FAM117B: variants seen among roughly 807,000 people sequenced by gnomAD.
FAM117B encodes family with sequence similarity 117 member B.
In FAM117B, 22 loss-of-function variants were observed where a neutral mutation model predicts 52.8. That is an observed-to-expected ratio of 0.42 (90% CI 0.30 to 0.59). FAM117B has a LOEUF of 0.59. Ranked by LOEUF, FAM117B falls within the 20% of genes least tolerant of loss-of-function variation. FAM117B has a pLI of 0.22. For synonymous variants in FAM117B, 309 were observed against 324.1 expected (o/e 0.95, Z 0.50); for missense variants, 678 against 802.6 (o/e 0.84, Z 1.88).
chr2:202,700,558 A>G (rs1208974492), intron 2 of FAM117B, among the ~76,000 whole-genome samples: 1 of 152,266 alleles, frequency 6.6e-6, no homozygotes, highest in East Asian at 1.9e-4. Flanking sequence ...ATGAGGTTTA[A>G]TGAAAGAAGC....
At chr2:202,647,568 T>C (rs1334919720) in intron 1 of FAM117B, among the ~76,000 whole-genome samples, 5 of 152,224 alleles carry the variant, frequency 3.3e-5, no homozygotes, top group African/African-American at 1.2e-4. Flanking sequence ...TTGATGCATA[T>C]GAGAATTTGA....
intron 1 of FAM117B, among the ~76,000 whole-genome samples, chr2:202,683,806 G>A (rs1690497663): frequency 6.6e-6 from 1 of 152,046 alleles, no homozygotes; most frequent in African/African-American, 2.4e-5. Context: ...AATTTATGAG[G>A]TAGTATTATT....
Position 202,747,806 on chromosome 2 carries a change from A to G in FAM117B, c.961-7732A>G, listed in dbSNP as rs188816759. On this transcript the variant is annotated intron_variant, in intron 4 of 7. Coordinates refer to ENST00000392238, the MANE Select transcript of FAM117B (RefSeq NM_173511.4). ...TGCAAACACTAATGAAAGAAATTGA[A>G]GAGGACACAAATGGAAAGATATCCT... Among the ~76,000 whole-genome samples the G allele has an allele frequency of 1.3e-3, 205 of 152,274 alleles. 1 individual carries two copies. Among genetic ancestry groups the G allele is most frequent in the African/African-American group, 4.4e-3 (182 of 41,580 alleles).
intron 2 of FAM117B, among the ~76,000 whole-genome samples, chr2:202,720,878 A>G (rs1024723982): frequency 5.9e-5 from 9 of 152,220 alleles, no homozygotes; most frequent in African/African-American, 2.2e-4. Flanking sequence ...TTTACCTAGT[A>G]GTTTTCACTT....
intron 1 of FAM117B, among the ~76,000 whole-genome samples, chr2:202,644,075 T>TTTTTTTTTTG (rs1559092809): frequency 6.8e-6 from 1 of 146,712 alleles, no homozygotes; most frequent in Non-Finnish European, 1.5e-5. Context: ...TTTTTTTTTT[T>TTTTTTTTTTG]TTTTTTTTTC....
chr2:202,732,341 A>G (rs932445255), intron 4 of FAM117B, among the ~76,000 whole-genome samples: 9 of 152,242 alleles, frequency 5.9e-5, no homozygotes, highest in Non-Finnish European at 1.2e-4. Flanking sequence ...ATATGTCCAC[A>G]TAAAAACTTG....
chr2:202,644,828 A>C lies in FAM117B; in HGVS notation c.601+9040A>C, dbSNP rs78145057. On this transcript the variant is annotated intron_variant, in intron 1 of 7. Coordinates refer to ENST00000392238, the MANE Select transcript of FAM117B (RefSeq NM_173511.4). Reference sequence around the variant, plus strand: ...TCTGATTCTTAATCCTTTGTTGGTGATGGTGTCTGTCCTCTGTGGAAGGGT... The same window carrying C: ...TCTGATTCTTAATCCTTTGTTGGTGCTGGTGTCTGTCCTCTGTGGAAGGGT... Among the ~76,000 whole-genome samples, 30 of 152,240 alleles carry C rather than the reference A, an allele frequency of 2.0e-4. 1 individual carries two copies. The East Asian group carries it at 5.6e-3, about 28-fold the overall frequency.
At chr2:202,696,400 T>C (rs1334566975) in intron 2 of FAM117B, among the ~76,000 whole-genome samples, 1 of 152,178 alleles carries the variant, frequency 6.6e-6, no homozygotes, top group African/African-American at 2.4e-5. Context: ...TAAAATACAC[T>C]AACACTAATG....
chr2:202,686,926 A>G (rs1690549760), intron 1 of FAM117B, among the ~76,000 whole-genome samples: 1 of 152,206 alleles, frequency 6.6e-6, no homozygotes, highest in Admixed American at 6.5e-5. Flanking sequence ...ACATACACAC[A>G]GATTTATTTT....
intron 4 of FAM117B, among the ~76,000 whole-genome samples, chr2:202,730,545 C>T (rs1691325465): frequency 6.6e-6 from 1 of 152,072 alleles, no homozygotes; most frequent in South Asian, 2.1e-4. Context: ...TGCCGCGTGC[C>T]TATAATCCAA....
chr2:202,763,897 C>T (rs1691936794), intron 7 of FAM117B, among the ~76,000 whole-genome samples: 1 of 152,192 alleles, frequency 6.6e-6, no homozygotes, highest in African/African-American at 2.4e-5. Context: ...CAGAGGGTTA[C>T]TACCAAACCC....
At chr2:202,645,434 C>T (rs1355272624) in intron 1 of FAM117B, among the ~76,000 whole-genome samples, 5 of 150,812 alleles carry the variant, frequency 3.3e-5, no homozygotes, top group Non-Finnish European at 5.9e-5. Flanking sequence ...GGACTACAGG[C>T]GCCCGCCACC....
chr2:202,681,033 CAAT>C (rs1033291115), intron 1 of FAM117B, among the ~76,000 whole-genome samples: 1 of 151,808 alleles, frequency 6.6e-6, no homozygotes, highest in African/African-American at 2.4e-5. Flanking sequence ...AAATGAATGA[CAAT>C]AGTAGCACAA....
At chr2:202,737,016 A>G (rs1328189505) in intron 4 of FAM117B, among the ~76,000 whole-genome samples, 1 of 152,168 alleles carries the variant, frequency 6.6e-6, no homozygotes, top group East Asian at 1.9e-4. Flanking sequence ...ACTTGTGGGA[A>G]GTGAGGGAAG....
At chr2:202,651,704 T>C (rs1689960789) in intron 1 of FAM117B, among the ~76,000 whole-genome samples, 1 of 152,212 alleles carries the variant, frequency 6.6e-6, no homozygotes, top group South Asian at 2.1e-4. Flanking sequence ...TTACATGCTG[T>C]TCTACTGGGA....
chr2:202,700,693 T>TG (rs1454875522), intron 2 of FAM117B, among the ~76,000 whole-genome samples: 1 of 151,504 alleles, frequency 6.6e-6, no homozygotes, highest in African/African-American at 2.4e-5. Flanking sequence ...GAATTTTTTT[T>TG]TTTTTTTTTT....
intron 1 of FAM117B, among the ~76,000 whole-genome samples, chr2:202,661,527 A>C (rs1374087861): frequency 1.3e-5 from 2 of 152,220 alleles, no homozygotes; most frequent in Admixed American, 1.3e-4. Context: ...ATTTGTGGTC[A>C]GATAGCTATT....
intron 2 of FAM117B, among the ~76,000 whole-genome samples, chr2:202,719,315 A>G (rs1691112811): frequency 6.6e-6 from 1 of 152,118 alleles, no homozygotes; most frequent in African/African-American, 2.4e-5. Flanking sequence ...ATCATCTTTA[A>G]TTTGTTCTTA....
chr2:202,724,927 C>A lies in FAM117B; in HGVS notation c.764C>A (p.Ala255Glu), dbSNP rs1424257057. 6.2e-6 allele frequency: 10 copies of A among 1,609,708 alleles called. No homozygotes were observed. The highest frequency in any genetic ancestry group is 8.5e-6 in the Non-Finnish European group (10 of 1,177,502). The change falls in exon 3 of 8, where the codon GCA (alanine) becomes GAA (glutamate). Residue 255 changes from alanine (A) to glutamate (E), a missense_variant. Ala to Glu is a moderately radical substitution (Grantham distance 107). Transcript: ENST00000392238. ...MRDKATQTES[A>E]WAEEYSEKKK... ...CTTTTTTCATTACAGACAGAGAGTG[C>A]ATGGGCTGAAGAATACTCTGAAAAG...
Sources: allele counts gnomAD v4.1 joint callset (sites outside exome capture counted in the v4.1 genomes callset), GRCh38; gene constraint gnomAD v4.1.1; transcripts MANE v1.5; gene names NCBI Gene and HGNC (gene_info 2026-07-23, HGNC 2026-07-21).